Variants in ZNF385D observed in about 807,000 individuals in gnomAD.
The protein encoded by ZNF385D is zinc finger protein 385D.
A neutral mutation model predicts 35.8 loss-of-function variants in ZNF385D; 15 were observed. That is an observed-to-expected ratio of 0.42 (90% confidence interval 0.28 to 0.64). The LOEUF is 0.64. Ranked by LOEUF, ZNF385D falls within the 30% of genes least tolerant of loss-of-function variation. ZNF385D has a pLI of 0.23. For synonymous variants in ZNF385D, 212 were observed against 186.8 expected, an observed-to-expected ratio of 1.13 and a Z score of -1.10; for missense variants, 474 against 494.6, an observed-to-expected ratio of 0.96 and a Z score of 0.39.
At chr3:21,992,019 A>T (rs1207348327) in intron 3 of ZNF385D, among the ~76,000 whole-genome samples, 1 of 152,196 alleles carries the variant, frequency 6.6e-6, no homozygotes, top group Non-Finnish European at 1.5e-5. Flanking sequence ...TCTCTTTAGC[A>T]TGCTCATCTC....
chr3:21,501,260 C>T (rs1481546229), intron 4 of ZNF385D, among the ~76,000 whole-genome samples: 1 of 152,156 alleles, frequency 6.6e-6, no homozygotes, highest in Non-Finnish European at 1.5e-5. Flanking sequence ...TTCCTTCTTT[C>T]TTGCCTATTA....
chr3:22,127,632 G>A (rs995304324), intron 3 of ZNF385D, among the ~76,000 whole-genome samples: 1 of 151,940 alleles, frequency 6.6e-6, no homozygotes, highest in Non-Finnish European at 1.5e-5. Context: ...GAGCCACCGT[G>A]CCTGGCCCTA....
intron 3 of ZNF385D, among the ~76,000 whole-genome samples, chr3:21,963,905 A>G (rs1399831653): frequency 7.2e-5 from 11 of 152,170 alleles, no homozygotes; most frequent in Admixed American, 7.2e-4. Context: ...ACTAACTCAG[A>G]GCAATTTTAG....
At chr3:22,174,747 C>A (rs1224080772) in intron 2 of ZNF385D, among the ~76,000 whole-genome samples, 1 of 152,002 alleles carries the variant, frequency 6.6e-6, no homozygotes, top group Non-Finnish European at 1.5e-5. Context: ...CACTGAAATA[C>A]AACTAGTCAG....
intron 3 of ZNF385D, among the ~76,000 whole-genome samples, chr3:21,841,667 T>C (rs1303566276): frequency 1.3e-5 from 2 of 152,056 alleles, no homozygotes; most frequent in African/African-American, 2.4e-5. Context: ...TTCTTTGGAA[T>C]ACTTAAGTTA....
rs1032237374 is a variant in ZNF385D, at chr3:22,342,972, T to C, written c.106+29478A>G. Among the ~76,000 whole-genome samples, 3 of 152,298 alleles carry C rather than the reference T, an allele frequency of 2.0e-5. No homozygotes were observed. The East Asian group carries it at 5.8e-4, about 29-fold the overall frequency. On this transcript the variant is annotated intron_variant, in intron 2 of 5. Coordinates refer to the ZNF385D transcript ENST00000494108. ...CATTTAAAACATGACCAGTCCAAAT[T>C]GAGATGTGCTGTTATGAACAAATAC...
chr3:22,005,039 C>T lies in ZNF385D; in HGVS notation c.325+163778G>A, dbSNP rs138038779. Among the ~76,000 whole-genome samples the T allele has an allele frequency of 3.2e-3, 284 of 89,108 alleles. 3 individuals are homozygous for T. Among genetic ancestry groups the T allele is most frequent in the Middle Eastern group, 0.012 (1 of 82 alleles). 58.5% of individuals were successfully genotyped at this position (89,108 alleles called of 152,430 possible). A position where few individuals can be genotyped will look rare whatever the true frequency, so the allele number is the denominator to read the frequency against. ...AGATATTTGGGGTTAATACAAGGAA[C>T]TCAAACCACTCAGCAGCAAAAAAAA... On this transcript the variant is annotated intron_variant, in intron 3 of 5. Transcript: ENST00000494108.
At chr3:21,525,939 T>C (rs1322172360) in intron 3 of ZNF385D, among the ~76,000 whole-genome samples, 1 of 152,144 alleles carries the variant, frequency 6.6e-6, no homozygotes, top group African/African-American at 2.4e-5. Context: ...AGTGATTTTT[T>C]TTCCCCTTGG....
At chr3:22,366,285 A>G (rs1335687222) in intron 2 of ZNF385D, among the ~76,000 whole-genome samples, 1 of 152,128 alleles carries the variant, frequency 6.6e-6, no homozygotes, top group Non-Finnish European at 1.5e-5. Flanking sequence ...GTCATTGTCT[A>G]GGGTAATGCT....
At chr3:21,571,225 T>A (rs2063326138) in intron 2 of ZNF385D, among the ~76,000 whole-genome samples, 1 of 152,198 alleles carries the variant, frequency 6.6e-6, no homozygotes, top group African/African-American at 2.4e-5. Context: ...CATAAAAATA[T>A]AAGTATACAG....
chr3:21,780,351 C>T (rs894238427), intron 3 of ZNF385D, among the ~76,000 whole-genome samples: 2 of 151,916 alleles, frequency 1.3e-5, no homozygotes, highest in African/African-American at 2.4e-5. Flanking sequence ...CAACTACCAC[C>T]AGGGGATTCA....
rs979122112 is a variant in ZNF385D, at chr3:22,215,739, A to G, written c.107-46704T>C. Among the ~76,000 whole-genome samples, 7 of 151,950 alleles carry G rather than the reference A, an allele frequency of 4.6e-5. No individual in the cohort carries two copies. In the East Asian group the frequency reaches 1.4e-3, roughly 29 times the overall value. On this transcript the variant is annotated intron_variant, in intron 2 of 5. Transcript: ENST00000494108. ...CCTTGTGAAGCATGTGATCTCTGTG[A>G]CCCACACCCTATTTGTACACACCCT...
chr3:21,683,832 A>T (rs1001323528), intron 1 of ZNF385D, among the ~76,000 whole-genome samples: 7 of 149,982 alleles, frequency 4.7e-5, no homozygotes, highest in Admixed American at 2.0e-4. Context: ...TTCATTCTAC[A>T]ACCACAGGAA....
intron 2 of ZNF385D, among the ~76,000 whole-genome samples, chr3:22,260,667 T>C (rs575260182): frequency 3.4e-4 from 51 of 152,102 alleles, no homozygotes; most frequent in Non-Finnish European, 5.7e-4. Context: ...GACATAAATC[T>C]GCCCATTCTC....
chr3:22,181,878 C>A (rs895281758), intron 2 of ZNF385D, among the ~76,000 whole-genome samples: 1 of 152,076 alleles, frequency 6.6e-6, no homozygotes, highest in Non-Finnish European at 1.5e-5. Flanking sequence ...AAAATGTGAT[C>A]TTATTATGAG....
chr3:22,228,274 C>A (rs1210458061), intron 2 of ZNF385D, among the ~76,000 whole-genome samples: 1 of 152,142 alleles, frequency 6.6e-6, no homozygotes, highest in Non-Finnish European at 1.5e-5. Flanking sequence ...TGGGAGGTGG[C>A]AGAGCCAAAT....
intron 3 of ZNF385D, among the ~76,000 whole-genome samples, chr3:21,904,469 C>T (rs1449175071): frequency 2.0e-5 from 3 of 151,940 alleles, no homozygotes; most frequent in Non-Finnish European, 4.4e-5. Context: ...GGCTAATTTC[C>T]GAAATACGTA....
intron 1 of ZNF385D, among the ~76,000 whole-genome samples, chr3:21,710,663 G>A (rs957590): frequency 0.22 from 33,151 of 152,068 alleles, 4,435 homozygotes; most frequent in East Asian, 0.44. Context: ...TTAAACCATA[G>A]ACAAAAAAGG....
chr3:21,678,999 G>A lies in ZNF385D; in HGVS notation c.23-13971C>T, dbSNP rs796282587. On this transcript the variant is annotated intron_variant, in intron 1 of 7. Transcript: ENST00000281523. ...CTTCAAGGTTCAGCTGAAAGGCCCT[G>A]CCACCCACCCCCCAACCCCATCCAC... is the stretch of plus-strand genomic sequence containing the variant. Among the ~76,000 whole-genome samples, 42 of 151,972 alleles carry A rather than the reference G, an allele frequency of 2.8e-4. 1 individual carries two copies. The Middle Eastern group carries it at 0.01, about 37-fold the overall frequency.
Sources: allele counts gnomAD v4.1 joint callset (sites outside exome capture counted in the v4.1 genomes callset), GRCh38; gene constraint gnomAD v4.1.1; transcripts MANE v1.5; gene names NCBI Gene and HGNC (gene_info 2026-07-23, HGNC 2026-07-21).